Variants in IPO5 observed in about 807,000 individuals in gnomAD.
IPO5 encodes the protein importin 5.
A neutral mutation model predicts 143.3 loss-of-function variants in IPO5; 18 were observed. The ratio of observed to expected loss-of-function variants is 0.13; its 90% confidence interval spans 0.09 to 0.19. The LOEUF is 0.19. Among genes scored for constraint, IPO5 ranks in the 10% least tolerant of loss-of-function variants. The pLI is 1.00. For synonymous variants in IPO5, 477 were observed against 465.7 expected (o/e 1.02, Z -0.31); for missense variants, 1,013 against 1,336.9 (o/e 0.76, Z 3.78).
intron 2 of IPO5, among the ~76,000 whole-genome samples, chr13:97,961,151 T>C (rs937288257): frequency 1.3e-5 from 2 of 152,244 alleles, no homozygotes; most frequent in Non-Finnish European, 2.9e-5. Flanking sequence ...GTTACATGTA[T>C]CATTACTTTA....
At chr13:97,995,580 C>A (rs1431464437) in intron 11 of IPO5, among the ~76,000 whole-genome samples, 2 of 151,634 alleles carry the variant, frequency 1.3e-5, no homozygotes, top group East Asian at 1.9e-4. Context: ...ACTGTGAAAC[C>A]CCGTCCCTAC....
chr13:97,984,364 A>G (rs1435037333), intron 5 of IPO5, among the ~76,000 whole-genome samples: 1 of 152,212 alleles, frequency 6.6e-6, no homozygotes, highest in Admixed American at 6.5e-5. Flanking sequence ...AAAGCCAAGA[A>G]TACTGAATTT....
Position 98,009,993 on chromosome 13 carries a change from C to G in IPO5, c.1913C>G (p.Pro638Arg). The G allele has an allele frequency of 6.2e-7, 1 of 1,614,042 alleles. No homozygotes were observed. Among genetic ancestry groups the G allele is most frequent in the South Asian group, 1.1e-5 (1 of 91,072 alleles). The change falls in exon 19 of 29, where the codon CCC (proline) becomes CGC (arginine). Residue 638 changes from proline to arginine, a missense_variant. This residue lies in a region of IPO5 where 685 missense variants were observed against 994.9 expected (regional missense o/e 0.69). Transcript: ENST00000651721. The stretch of plus-strand genomic sequence containing the variant: ...TTAATGAAGACGGCTTCAATTAAGC[C>G]CGAAGTAGCCCTTTTAGATAGTAGG... ...GPLMKTASIK[P>R]EVALLDTQDM... is the part of the protein sequence containing the mutation.
rs933272950 is a variant in IPO5, at chr13:98,023,403, T to C, written c.*1581T>C. On this transcript the variant is annotated 3_prime_UTR_variant, in exon 29 of 29. Transcript: ENST00000651721. ...AAGACAACCCCTTTCTGCTTTCTTA[T>C]GTAGCATCTGCAAAGCCGATTCATG... The C allele has an allele frequency of 2.0e-5, 3 of 152,206 alleles. No individual in the cohort carries two copies. The highest frequency in any genetic ancestry group is 4.4e-5 in the Non-Finnish European group (3 of 68,034). The allele number at this position is 152,206 out of a possible 1,614,324, so 9.4% of individuals were successfully genotyped here.
In IPO5 at chr13:98,022,129, TA is replaced by T. The variant is rs1890537589; in HGVS notation, c.*309del. ...TCAAATTAATTTTTCTCGTTAGACATAAGGAAATTTAAGGAAAAACAGCTTT... is the reference window on the plus strand; with the variant it reads ...TCAAATTAATTTTTCTCGTTAGACATAGGAAATTTAAGGAAAAACAGCTTT... On this transcript the variant is annotated 3_prime_UTR_variant, in exon 29 of 29. Transcript: ENST00000651721. The T allele has an allele frequency of 9.4e-6, 2 of 212,388 alleles. No individual in the cohort carries two copies. Among genetic ancestry groups the T allele is most frequent in the Admixed American group, 1.1e-4 (2 of 18,570 alleles). 13.2% of individuals were successfully genotyped at this position (212,388 alleles called of 1,614,324 possible). A position where few individuals can be genotyped will look rare whatever the true frequency, so the allele number is the denominator to read the frequency against.
Position 98,021,974 on chromosome 13 carries a change from G to C in IPO5, c.*152G>C, listed in dbSNP as rs555073433. On this transcript the variant is annotated 3_prime_UTR_variant, in exon 29 of 29. Transcript: ENST00000651721. ...AGCCACAAGCAGGAAGAGCAGCGCTGTGTTGCAGAATGGAGTTTCCATGGA... is the reference window on the plus strand; with the variant it reads ...AGCCACAAGCAGGAAGAGCAGCGCTCTGTTGCAGAATGGAGTTTCCATGGA... 10 of 444,842 alleles carry C rather than the reference G, an allele frequency of 2.2e-5. No homozygotes were observed. The allele number at this position is 444,842 out of a possible 1,614,324, so 27.6% of individuals were successfully genotyped here.
At chr13:97,974,693 A>AC (rs1886115994) in intron 3 of IPO5, among the ~76,000 whole-genome samples, 1 of 151,848 alleles carries the variant, frequency 6.6e-6, no homozygotes, top group African/African-American at 2.4e-5. Context: ...CAAAAAAAAA[A>AC]AAAAATCAAA....
intron 9 of IPO5, among the ~76,000 whole-genome samples, chr13:97,991,243 CA>C (rs1483337272): frequency 2.7e-5 from 4 of 149,900 alleles, no homozygotes. Flanking sequence ...GGCCTTAATA[CA>C]AAAAAGAAAT....
Position 97,976,778 on chromosome 13 carries a change from C to T in IPO5, c.82C>T (p.Gln28Ter). 1 of 1,382,086 alleles carries T rather than the reference C, an allele frequency of 7.2e-7. No individual in the cohort carries two copies. Among genetic ancestry groups the T allele is most frequent in the Non-Finnish European group, 9.6e-7 (1 of 1,036,818 alleles). 85.6% of individuals were successfully genotyped at this position (1,382,086 alleles called of 1,614,324 possible). The stretch of plus-strand genomic sequence containing the variant: ...CAGCCCCGACAATGTGGTCCGGAAA[C>T]AGGCAGAGGTAACCGAGTTCGCCGC... ...LLSPDNVVRK[Q>*]AEETYENIPG... is the part of the protein sequence containing the mutation. The change falls in exon 4 of 29, where the codon CAG becomes TAG. Residue 28 changes from glutamine to a stop codon, truncating the protein, a stop_gained. Transcript: ENST00000651721. LOFTEE classifies it high-confidence loss of function.
Position 97,954,181 on chromosome 13 carries a change from G to C in IPO5, c.-130G>C, listed in dbSNP as rs1884303163. 5.4e-6 allele frequency: 1 copy of C among 184,810 alleles called. No individual in the cohort carries two copies. Among genetic ancestry groups the C allele is most frequent in the Non-Finnish European group, 1.1e-5 (1 of 87,534 alleles). 11.4% of individuals were successfully genotyped at this position (184,810 alleles called of 1,614,324 possible). A position where few individuals can be genotyped will look rare whatever the true frequency, so the allele number is the denominator to read the frequency against. Reference sequence around the variant, plus strand: ...AGGCACAACTGTTTTCCCTGATCAGGATACTTGCGGCACTCAAGTGAGTCT... The same window carrying C: ...AGGCACAACTGTTTTCCCTGATCAGCATACTTGCGGCACTCAAGTGAGTCT... On this transcript the variant is annotated 5_prime_UTR_variant, in exon 2 of 29. Coordinates refer to ENST00000651721, the MANE Select transcript of IPO5 (RefSeq NM_002271.6).
Position 98,014,125 on chromosome 13 carries a change from T to C in IPO5, c.2236T>C (p.Trp746Arg), listed in dbSNP as rs1256754192. 1 of 1,613,074 alleles carries C rather than the reference T, an allele frequency of 6.2e-7. No homozygotes were observed. The highest frequency in any genetic ancestry group is 8.5e-7 in the Non-Finnish European group (1 of 1,179,006). ...VRGPEYLTQM[W>R]HFMCDALIKA... ...TGGTCCTGAGTATCTCACACAGATGTGGCATTTTATGTGTGATGCTCTAAT... is the reference window on the plus strand; with the variant it reads ...TGGTCCTGAGTATCTCACACAGATGCGGCATTTTATGTGTGATGCTCTAAT... Residue 746 changes from tryptophan to arginine, a missense_variant, in exon 22 of 29, where the codon TGG (tryptophan) becomes CGG (arginine). Trp to Arg is a moderately radical substitution (Grantham distance 101). Around this residue, in one of 2 missense-constraint regions of IPO5, gnomAD observed 685 missense variants for 994.9 expected, o/e 0.69. Coordinates refer to ENST00000651721, the MANE Select transcript of IPO5 (RefSeq NM_002271.6).
At chr13:97,991,638 G>A (rs1475307683) in intron 9 of IPO5, among the ~76,000 whole-genome samples, 1 of 152,140 alleles carries the variant, frequency 6.6e-6, no homozygotes, top group Non-Finnish European at 1.5e-5. Context: ...TTTGAGTGAC[G>A]TGTCTGTGTT....
chr13:97,985,719 C>A, intron 6 of IPO5, 106 bp downstream of exon 6: 2 of 738,846 alleles, frequency 2.7e-6, no homozygotes, highest in Non-Finnish European at 4.5e-6. Context: ...ACCTGAGTAC[C>A]ATTTATTCTG....
chr13:98,007,478 C>A (rs1287205341), intron 17 of IPO5: 1 of 152,204 alleles, frequency 6.6e-6, no homozygotes, highest in Non-Finnish European at 1.5e-5. Context: ...CATGTTCTGA[C>A]CCTGAGAATT....
chr13:97,954,870 G>T (rs1211447613), intron 2 of IPO5, among the ~76,000 whole-genome samples: 1 of 152,272 alleles, frequency 6.6e-6, no homozygotes, highest in African/African-American at 2.4e-5. Context: ...ACAGATTTGT[G>T]TTGGAACATT....
intron 4 of IPO5, chr13:97,981,401 G>A: frequency 2.8e-6 from 1 of 354,542 alleles, no homozygotes; most frequent in Admixed American, 4.1e-5. Flanking sequence ...ATGATCTTAG[G>A]CAAGTCATTA....
intron 16 of IPO5, among the ~76,000 whole-genome samples, chr13:98,003,679 A>C (rs910248948): frequency 6.6e-6 from 1 of 152,012 alleles, no homozygotes; most frequent in Non-Finnish European, 1.5e-5. Context: ...GTGAAATCCC[A>C]TCTCTCCTAA....
At chr13:97,955,212 G>A (rs1884376348) in intron 2 of IPO5, among the ~76,000 whole-genome samples, 1 of 151,310 alleles carries the variant, frequency 6.6e-6, no homozygotes, top group South Asian at 2.1e-4. Context: ...CTGGGTGACA[G>A]AGTGGGACCC....
intron 16 of IPO5, 69 bp downstream of exon 16, chr13:98,003,106 C>A: frequency 8.4e-7 from 1 of 1,193,188 alleles, no homozygotes; most frequent in Non-Finnish European, 1.2e-6. Context: ...TGGGTAAGAA[C>A]TGGAGAAAGA....
Sources: gnomAD v4.1 joint callset for allele counts (sites outside exome capture counted in the v4.1 genomes callset) on GRCh38, gnomAD v4.1.1 for gene constraint, gnomAD v4.1.1 regional missense constraint, MANE v1.5 for transcripts, NCBI Gene and HGNC (gene_info 2026-07-23, HGNC 2026-07-21) for gene names.